The following DPP10 variants were observed in gnomAD, a reference collection of about 807,000 sequenced individuals.
DPP10 encodes inactive dipeptidyl peptidase 10.
In DPP10, 33 loss-of-function variants were observed where a neutral mutation model predicts 120.9. That is an observed-to-expected ratio of 0.27 (90% CI 0.21 to 0.37). The LOEUF is 0.37. Among genes scored for constraint, DPP10 ranks in the 10% least tolerant of loss-of-function variants. DPP10 has a pLI of 1.00. For synonymous variants in DPP10, 337 were observed against 326.1 expected (o/e 1.03, Z -0.36); for missense variants, 816 against 942.8 (o/e 0.87, Z 1.76).
chr2:115,443,595 T>G lies in DPP10; in HGVS notation c.272-55915T>G, dbSNP rs564120871. Among the ~76,000 whole-genome samples, 9 of 152,274 alleles carry G rather than the reference T, an allele frequency of 5.9e-5. No homozygotes were observed. In the South Asian group the frequency reaches 1.9e-3, roughly 32 times the overall value. On this transcript the variant is annotated intron_variant, in intron 3 of 25. Coordinates refer to ENST00000410059, the MANE Select transcript of DPP10 (RefSeq NM_020868.6). The stretch of plus-strand genomic sequence containing the variant: ...GAGAAGTGTTGAATTTTCTGAATGT[T>G]TATATCAAAGTAATTTAGGTCAAGA...
intron 3 of DPP10, among the ~76,000 whole-genome samples, chr2:115,485,183 C>T (rs10221735): frequency 0.14 from 20,877 of 148,588 alleles, 3,191 homozygotes; most frequent in African/African-American, 0.37. Context: ...ATTTTAGGCT[C>T]ATCAGCATTT....
chr2:115,839,952 T>C (rs940772623), intron 24 of DPP10, among the ~76,000 whole-genome samples: 2 of 152,116 alleles, frequency 1.3e-5, no homozygotes, highest in African/African-American at 4.8e-5. Context: ...GTGTATTCTA[T>C]TTTCTCAGTA....
At chr2:114,455,644 G>T (rs1031260665) in intron 1 of DPP10, among the ~76,000 whole-genome samples, 2 of 151,756 alleles carry the variant, frequency 1.3e-5, no homozygotes, top group African/African-American at 4.8e-5. Flanking sequence ...CAAGTTTGGA[G>T]AAGTTACTTT....
At chr2:115,126,700 G>A (rs1559124771) in intron 1 of DPP10, among the ~76,000 whole-genome samples, 1 of 152,188 alleles carries the variant, frequency 6.6e-6, no homozygotes, top group East Asian at 1.9e-4. Flanking sequence ...CTTTTTGAGT[G>A]TCACAGACAT....
intron 7 of DPP10, among the ~76,000 whole-genome samples, chr2:115,725,893 C>T (rs2092755430): frequency 6.6e-6 from 1 of 152,150 alleles, no homozygotes; most frequent in Non-Finnish European, 1.5e-5. Flanking sequence ...AAAGCTTATG[C>T]TTTAGTTGGC....
chr2:115,639,724 C>T (rs1264540523), intron 5 of DPP10, among the ~76,000 whole-genome samples: 1 of 152,044 alleles, frequency 6.6e-6, no homozygotes, highest in African/African-American at 2.4e-5. Flanking sequence ...CTGAAACCTC[C>T]TTGCAGACCT....
intron 7 of DPP10, among the ~76,000 whole-genome samples, chr2:115,700,274 A>G (rs976914491): frequency 5.3e-5 from 8 of 152,200 alleles, no homozygotes; most frequent in Non-Finnish European, 1.0e-4. Context: ...TTGAGTGAGG[A>G]CACAGATTCA....
At chr2:115,507,106 C>G (rs376946390) in intron 4 of DPP10, among the ~76,000 whole-genome samples, 265 of 152,094 alleles carry the variant, frequency 1.7e-3, no homozygotes, top group African/African-American at 6.2e-3. Flanking sequence ...TGAACTACTA[C>G]TCTACTTCTC....
intron 1 of DPP10, among the ~76,000 whole-genome samples, chr2:115,113,570 A>G (rs2049342129): frequency 6.6e-6 from 1 of 152,164 alleles, no homozygotes; most frequent in African/African-American, 2.4e-5. Context: ...TATGCATTAA[A>G]TCATACATGT....
Position 114,673,336 on chromosome 2 carries a change from T to C in DPP10, c.60+230498T>C, listed in dbSNP as rs73949004. On this transcript the variant is annotated intron_variant, in intron 1 of 25. Coordinates refer to ENST00000410059, the MANE Select transcript of DPP10 (RefSeq NM_020868.6). ...ACATTTGATTAGTCATAGTAAATGG[T>C]TGTGTTAGAAAGAACCCCGAAGCCA... Among the ~76,000 whole-genome samples, 1,305 of 152,252 alleles carry C rather than the reference T, an allele frequency of 8.6e-3. 28 individuals are homozygous for C. Among genetic ancestry groups the C allele is most frequent in the African/African-American group, 0.03 (1,250 of 41,556 alleles).
intron 5 of DPP10, among the ~76,000 whole-genome samples, chr2:115,662,202 C>G (rs1301801829): frequency 2.0e-5 from 3 of 152,120 alleles, no homozygotes; most frequent in African/African-American, 7.2e-5. Context: ...TTATGTTCTT[C>G]TTTTTTAAAA....
intron 3 of DPP10, among the ~76,000 whole-genome samples, chr2:115,492,423 T>C (rs566582506): frequency 6.6e-6 from 1 of 152,234 alleles, no homozygotes; most frequent in South Asian, 2.1e-4. Context: ...ACTTTGTGAT[T>C]AAGAGTTTAG....
intron 5 of DPP10, among the ~76,000 whole-genome samples, chr2:115,627,865 T>G (rs2085492176): frequency 6.6e-6 from 1 of 152,170 alleles, no homozygotes; most frequent in Admixed American, 6.5e-5. Context: ...ATCTCCTTCC[T>G]TTTTATGGCT....
intron 1 of DPP10, among the ~76,000 whole-genome samples, chr2:114,922,649 T>A (rs919983783): frequency 6.6e-5 from 10 of 152,214 alleles, no homozygotes; most frequent in African/African-American, 2.4e-4. Context: ...CAGTATCTGA[T>A]CTTTTGTGAC....
chr2:115,585,941 A>G (rs1455156859), intron 5 of DPP10, among the ~76,000 whole-genome samples: 1 of 152,236 alleles, frequency 6.6e-6, no homozygotes, highest in East Asian at 1.9e-4. Flanking sequence ...CAATCACATA[A>G]TAATCCAATG....
chr2:115,388,756 A>T (rs2067126919), intron 3 of DPP10, among the ~76,000 whole-genome samples: 1 of 152,218 alleles, frequency 6.6e-6, no homozygotes. Flanking sequence ...TTCAGTGCTC[A>T]GTGCATTCTG....
chr2:115,605,195 T>C (rs533424287), intron 5 of DPP10, among the ~76,000 whole-genome samples: 26 of 152,252 alleles, frequency 1.7e-4, no homozygotes, highest in African/African-American at 5.3e-4. Context: ...TTTTTTTGGA[T>C]AGAATCAATT....
chr2:114,477,893 A>C (rs62172129), intron 1 of DPP10, among the ~76,000 whole-genome samples: 86 of 124,998 alleles, frequency 6.9e-4, no homozygotes, highest in Non-Finnish European at 6.6e-4. Flanking sequence ...ATATATGTAC[A>C]TATGTGTATA....
intron 2 of DPP10, among the ~76,000 whole-genome samples, chr2:115,312,872 C>G (rs2061638897): frequency 6.6e-6 from 1 of 152,156 alleles, no homozygotes; most frequent in African/African-American, 2.4e-5. Context: ...TGTGGAAATT[C>G]AGCAAGACAC....
Sources: gnomAD v4.1 joint callset for allele counts (sites outside exome capture counted in the v4.1 genomes callset) on GRCh38, gnomAD v4.1.1 for gene constraint, MANE v1.5 for transcripts, NCBI Gene and HGNC (gene_info 2026-07-23, HGNC 2026-07-21) for gene names.